RBFOX1: variants seen among roughly 807,000 people sequenced by gnomAD.
RBFOX1 encodes RNA binding fox-1 homolog 1.
Under a neutral mutation model 57.7 loss-of-function variants are expected in RBFOX1, and 8 were observed. That is an observed-to-expected ratio of 0.14 (90% CI 0.08 to 0.25). RBFOX1 has a LOEUF of 0.25. RBFOX1 is among the 10% of genes least tolerant of loss of function. The pLI, the probability that RBFOX1 is intolerant of heterozygous loss-of-function variation, is 1.00. For synonymous variants in RBFOX1, 326 were observed against 222.4 expected (o/e 1.47, Z -4.15); for missense variants, 611 against 548.5 (o/e 1.11, Z -1.14).
chr16:7,029,135 T>C (rs1312930838), intron 3 of RBFOX1, among the ~76,000 whole-genome samples: 1 of 96,510 alleles, frequency 1.0e-5, no homozygotes, highest in Non-Finnish European at 2.0e-5. Context: ...TACGTATATA[T>C]ATATGTGTAT....
intron 2 of RBFOX1, among the ~76,000 whole-genome samples, chr16:6,394,976 C>T (rs182705229): frequency 6.6e-5 from 10 of 152,284 alleles, no homozygotes; most frequent in South Asian, 6.2e-4. Flanking sequence ...ATTATTATTG[C>T]CCTTGATGTA....
chr16:6,755,787 C>A (rs2075693404), intron 3 of RBFOX1, among the ~76,000 whole-genome samples: 1 of 152,176 alleles, frequency 6.6e-6, no homozygotes, highest in Non-Finnish European at 1.5e-5. Flanking sequence ...TTCTCCCCTT[C>A]TTTTAACTGT....
chr16:6,295,037 C>G (rs971350413), intron 1 of RBFOX1, among the ~76,000 whole-genome samples: 2 of 151,632 alleles, frequency 1.3e-5, no homozygotes, highest in African/African-American at 4.9e-5. Context: ...TTCCACTATA[C>G]TCTCTTTCTC....
intron 4 of RBFOX1, among the ~76,000 whole-genome samples, chr16:7,407,900 G>C (rs1380144897): frequency 6.6e-6 from 1 of 152,182 alleles, no homozygotes; most frequent in Non-Finnish European, 1.5e-5. Context: ...TGGGAACACA[G>C]CCATGCCCAT....
intron 3 of RBFOX1, among the ~76,000 whole-genome samples, chr16:6,822,804 C>T (rs2091529732): frequency 6.6e-6 from 1 of 152,168 alleles, no homozygotes; most frequent in Non-Finnish European, 1.5e-5. Context: ...ACTCTCCAAC[C>T]AGGTTAAGCC....
chr16:7,445,385 C>T (rs369345938), intron 4 of RBFOX1, among the ~76,000 whole-genome samples: 4 of 152,300 alleles, frequency 2.6e-5, no homozygotes, highest in African/African-American at 9.6e-5. Context: ...TACCCTTATG[C>T]ACCAGCTCCA....
intron 4 of RBFOX1, among the ~76,000 whole-genome samples, chr16:5,915,713 TCTCAGCTA>T (rs544787292): frequency 6.6e-5 from 10 of 152,048 alleles, no homozygotes; most frequent in Non-Finnish European, 1.5e-4. Flanking sequence ...TTGCCTGTAA[TCTCAGCTA>T]CTCCGGAGGC....
At chr16:5,254,876 G>A (rs1029556335) in intron 1 of RBFOX1, among the ~76,000 whole-genome samples, 3 of 152,260 alleles carry the variant, frequency 2.0e-5, no homozygotes, top group African/African-American at 7.2e-5. Flanking sequence ...TAGGTGGAGC[G>A]AAGAGGGTGA....
intron 1 of RBFOX1, among the ~76,000 whole-genome samples, chr16:5,315,629 C>G (rs781359628): frequency 6.6e-6 from 1 of 152,158 alleles, no homozygotes; most frequent in Admixed American, 6.5e-5. Flanking sequence ...CCCTGTTTGT[C>G]ACGTACAGAA....
intron 1 of RBFOX1, among the ~76,000 whole-genome samples, chr16:6,130,920 T>C (rs1338044973): frequency 1.3e-5 from 2 of 152,156 alleles, no homozygotes. Context: ...TCTGCAGTCA[T>C]AGTTGTAGAC....
At chr16:5,981,314 C>G (rs963197745) in intron 4 of RBFOX1, among the ~76,000 whole-genome samples, 1 of 152,156 alleles carries the variant, frequency 6.6e-6, no homozygotes, top group Non-Finnish European at 1.5e-5. Context: ...TTCTGGAGCC[C>G]TAGCCCCTGG....
At position 6,019,082 on chromosome 16, in the gene RBFOX1, C is replaced by A. The variant is rs922576191; in HGVS notation, c.-1037C>A. On this transcript the variant is annotated 5_prime_UTR_variant, in exon 1 of 16. Transcript: ENST00000550418. This position sits in a 1 kb window ranked among gnomAD's most constrained non-coding sequence, Gnocchi z 4.2. ...GCTGCTTGTCGCGCGCTCACACACACACAGACACACACGCACACACACACA... is the reference window on the plus strand; with the variant it reads ...GCTGCTTGTCGCGCGCTCACACACAAACAGACACACACGCACACACACACA... The A allele has an allele frequency of 7.1e-6, 7 of 984,426 alleles. No individual in the cohort carries two copies. In the African/African-American group the frequency reaches 1.1e-4, roughly 15 times the overall value. The allele number at this position is 984,426 out of a possible 1,614,324, so 61.0% of individuals were successfully genotyped here.
intron 3 of RBFOX1, among the ~76,000 whole-genome samples, chr16:6,987,204 C>A (rs1599255495): frequency 6.6e-6 from 1 of 152,056 alleles, no homozygotes; most frequent in African/African-American, 2.4e-5. Flanking sequence ...CTTGATTACC[C>A]ATAATAACAA....
At chr16:6,890,523 CA>C (rs2065162552) in intron 3 of RBFOX1, among the ~76,000 whole-genome samples, 1 of 47,698 alleles carries the variant, frequency 2.1e-5, no homozygotes, top group African/African-American at 8.5e-5. Flanking sequence ...CATCTCAAAA[CA>C]AACAAACAAA....
intron 1 of RBFOX1, among the ~76,000 whole-genome samples, chr16:5,279,920 C>A (rs1424956285): frequency 1.3e-5 from 2 of 152,128 alleles, no homozygotes; most frequent in African/African-American, 2.4e-5. Context: ...AGTTTGGATG[C>A]CTTTTATTTC....
chr16:7,179,432 A>C (rs1362932566), intron 4 of RBFOX1, among the ~76,000 whole-genome samples: 2 of 152,108 alleles, frequency 1.3e-5, no homozygotes, highest in African/African-American at 4.8e-5. Flanking sequence ...TCCAATCTCC[A>C]CAATTTGTCT....
chr16:5,245,080 G>A (rs896586866), intron 1 of RBFOX1, among the ~76,000 whole-genome samples: 20 of 152,158 alleles, frequency 1.3e-4, no homozygotes, highest in African/African-American at 4.8e-4. Flanking sequence ...TCTTCTTGTG[G>A]CCTCTGGAAT....
At chr16:5,409,291 G>A (rs1452829641) in intron 1 of RBFOX1, among the ~76,000 whole-genome samples, 1 of 152,188 alleles carries the variant, frequency 6.6e-6, no homozygotes, top group Non-Finnish European at 1.5e-5. Context: ...CAGCCCCTAG[G>A]GGAGCCCCCC....
At chr16:6,121,159 C>T (rs561709483) in intron 1 of RBFOX1, among the ~76,000 whole-genome samples, 1 of 152,268 alleles carries the variant, frequency 6.6e-6, no homozygotes, top group Non-Finnish European at 1.5e-5. Context: ...CACAGCCCTG[C>T]CAACCCATCA....
Sources: allele counts gnomAD v4.1 joint callset (sites outside exome capture counted in the v4.1 genomes callset), GRCh38; gene constraint gnomAD v4.1.1; non-coding constraint Gnocchi (gnomAD v3.1); transcripts MANE v1.5; gene names NCBI Gene and HGNC (gene_info 2026-07-23, HGNC 2026-07-21).